Variants in PCDH9 observed in about 807,000 individuals in gnomAD.
PCDH9 encodes protocadherin-9.
A neutral mutation model predicts 70.6 loss-of-function variants in PCDH9; 24 were observed. That is an observed-to-expected ratio of 0.34 (90% confidence interval 0.25 to 0.48). The LOEUF is 0.48. Ranked by LOEUF, PCDH9 falls within the 20% of genes least tolerant of loss-of-function variation. PCDH9 has a pLI of 0.99. For synonymous variants in PCDH9, 562 were observed against 558.5 expected, an observed-to-expected ratio of 1.01 and a Z score of -0.09; for missense variants, 1,281 against 1,503.6, an observed-to-expected ratio of 0.85 and a Z score of 2.45.
chr13:66,997,724 G>A lies in PCDH9; in HGVS notation c.3037-94119C>T, dbSNP rs568130166. On this transcript the variant is annotated intron_variant, in intron 2 of 4. Coordinates refer to ENST00000377865, the MANE Select transcript of PCDH9 (RefSeq NM_203487.3). The stretch of plus-strand genomic sequence containing the variant: ...TAATTTTTGTATTTTTAGTAGAGAC[G>A]GGGTTTCACCATGTTGGCCAGGCTG... 3.9e-5 allele frequency among the ~76,000 whole-genome samples: 6 copies of A among 152,106 alleles called. No homozygotes were observed. In the South Asian group the frequency reaches 6.2e-4, roughly 16 times the overall value.
chr13:66,629,162 C>T (rs113796980), intron 4 of PCDH9, among the ~76,000 whole-genome samples: 1 of 152,178 alleles, frequency 6.6e-6, no homozygotes, highest in African/African-American at 2.4e-5. Flanking sequence ...CCTAGAATTG[C>T]ACATACTACA....
At chr13:66,805,023 G>A (rs189013331) in intron 3 of PCDH9, among the ~76,000 whole-genome samples, 385 of 152,182 alleles carry the variant, frequency 2.5e-3, no homozygotes, top group African/African-American at 8.8e-3. Flanking sequence ...GGGTAGTTTG[G>A]TAGGAAGATA....
chr13:66,442,728 C>G (rs575722430), intron 4 of PCDH9, among the ~76,000 whole-genome samples: 7 of 151,688 alleles, frequency 4.6e-5, no homozygotes, highest in Non-Finnish European at 1.0e-4. Context: ...ATTATGGGGA[C>G]AGTACGAATT....
At chr13:66,432,468 G>T (rs1957789303) in intron 4 of PCDH9, among the ~76,000 whole-genome samples, 2 of 151,836 alleles carry the variant, frequency 1.3e-5, no homozygotes, top group Admixed American at 1.3e-4. Context: ...TTCTTTTCTT[G>T]AAAGGTATTA....
intron 2 of PCDH9, among the ~76,000 whole-genome samples, chr13:66,970,515 G>T (rs1566329198): frequency 6.6e-6 from 1 of 151,146 alleles, no homozygotes. Context: ...TGATGCATGT[G>T]TGTGGTCCTG....
At chr13:66,878,527 G>A (rs1003708418) in intron 3 of PCDH9, among the ~76,000 whole-genome samples, 12 of 152,154 alleles carry the variant, frequency 7.9e-5, no homozygotes, top group East Asian at 7.7e-4. Context: ...GCGCAGGGCC[G>A]GGACTAATTT....
chr13:66,346,005 T>C (rs1956207384), intron 4 of PCDH9, among the ~76,000 whole-genome samples: 1 of 152,168 alleles, frequency 6.6e-6, no homozygotes, highest in Non-Finnish European at 1.5e-5. Flanking sequence ...ATTAGTGTAC[T>C]CTTTTCCTCG....
At chr13:66,567,327 G>C (rs1410202075) in intron 4 of PCDH9, among the ~76,000 whole-genome samples, 1 of 152,088 alleles carries the variant, frequency 6.6e-6, no homozygotes, top group Non-Finnish European at 1.5e-5. Flanking sequence ...AAAACGCGTG[G>C]TATGGGGATG....
intron 4 of PCDH9, among the ~76,000 whole-genome samples, chr13:66,492,650 G>A (rs1271316147): frequency 6.6e-6 from 1 of 151,916 alleles, no homozygotes; most frequent in African/African-American, 2.4e-5. Context: ...TGCTGGTCAT[G>A]CTATAAATAA....
intron 3 of PCDH9, among the ~76,000 whole-genome samples, chr13:66,709,228 T>C (rs2078759617): frequency 6.6e-6 from 1 of 152,040 alleles, no homozygotes; most frequent in Non-Finnish European, 1.5e-5. Context: ...CATGGCACTA[T>C]GAAGGACAGT....
chr13:66,396,239 G>T (rs1242574595), intron 4 of PCDH9, among the ~76,000 whole-genome samples: 1 of 152,096 alleles, frequency 6.6e-6, no homozygotes, highest in African/African-American at 2.4e-5. Context: ...GAGGGCATTT[G>T]GGGAAGATGG....
At chr13:66,596,267 T>A (rs1354610796) in intron 4 of PCDH9, among the ~76,000 whole-genome samples, 2 of 151,736 alleles carry the variant, frequency 1.3e-5, no homozygotes, top group African/African-American at 4.8e-5. Context: ...CAGGCCTTCA[T>A]TAAACTTATC....
In PCDH9 at chr13:66,952,080, T is replaced by C. The variant is rs149017652; in HGVS notation, c.3037-48475A>G. Among the ~76,000 whole-genome samples the C allele has an allele frequency of 2.1e-3, 317 of 152,330 alleles. 3 individuals carry two copies. The highest frequency in any genetic ancestry group is 7.2e-3 in the African/African-American group (301 of 41,572). ...TACAAGTCGTTTCTCTGAATTTTGT[T>C]GTATCTTCAATATGACATTCCTCAT... On this transcript the variant is annotated intron_variant, in intron 2 of 4. Coordinates refer to ENST00000377865, the MANE Select transcript of PCDH9 (RefSeq NM_203487.3).
intron 2 of PCDH9, among the ~76,000 whole-genome samples, chr13:67,136,101 A>G (rs2087225528): frequency 1.3e-5 from 2 of 152,160 alleles, no homozygotes; most frequent in Admixed American, 1.3e-4. Context: ...CAATGGTCTC[A>G]TAAGATTAGA....
intron 2 of PCDH9, among the ~76,000 whole-genome samples, chr13:66,954,560 G>C (rs1266126166): frequency 2.6e-5 from 4 of 152,084 alleles, no homozygotes; most frequent in Non-Finnish European, 5.9e-5. Context: ...AAGGGTGCTG[G>C]GTCTATCAGC....
At chr13:66,339,226 G>C (rs957694677) in intron 4 of PCDH9, among the ~76,000 whole-genome samples, 6 of 133,610 alleles carry the variant, frequency 4.5e-5, no homozygotes, top group Non-Finnish European at 7.2e-5. Flanking sequence ...GTAGTAATGA[G>C]AACAACAACA....
rs545786455 is a variant in PCDH9 at position 66,990,177 on chromosome 13, T to C, written c.3037-86572A>G. Among the ~76,000 whole-genome samples the C allele has an allele frequency of 1.6e-4, 24 of 151,996 alleles. 1 individual carries two copies. Among genetic ancestry groups the C allele is most frequent in the African/African-American group, 5.8e-4 (24 of 41,534 alleles). Reference sequence around the variant, plus strand: ...GACCCCATTAATCTAAAGGCTAAACTGGATGAAGCCTAAATAATCATCTTG... The same window carrying C: ...GACCCCATTAATCTAAAGGCTAAACCGGATGAAGCCTAAATAATCATCTTG... On this transcript the variant is annotated intron_variant, in intron 2 of 4. Transcript: ENST00000377865.
chr13:66,955,042 C>A (rs73505336), intron 2 of PCDH9, among the ~76,000 whole-genome samples: 23 of 152,274 alleles, frequency 1.5e-4, no homozygotes, highest in Admixed American at 1.4e-3. Flanking sequence ...GGATTACAGG[C>A]GTGAGCCACT....
chr13:66,944,817 C>CTGTGTGTGTGTGTGTGTGTG (rs67182136), intron 2 of PCDH9, among the ~76,000 whole-genome samples: 8 of 135,448 alleles, frequency 5.9e-5, no homozygotes, highest in African/African-American at 1.7e-4. Flanking sequence ...CTAATCGTCT[C>CTGTGTGTGTGTGTGTGTGTG]TGTGTGTGTG....
Sources: allele counts gnomAD v4.1 joint callset (sites outside exome capture counted in the v4.1 genomes callset), GRCh38; gene constraint gnomAD v4.1.1; transcripts MANE v1.5; gene names NCBI Gene and HGNC (gene_info 2026-07-23, HGNC 2026-07-21).